Variants in NKTR observed in about 807,000 individuals in gnomAD.
NKTR encodes natural killer cell triggering receptor.
A neutral mutation model predicts 156.3 loss-of-function variants in NKTR; 67 were observed. The observed-to-expected ratio is 0.43, with a 90% CI of 0.35 to 0.53. NKTR has a LOEUF of 0.53. NKTR is among the 20% of genes least tolerant of loss of function. NKTR has a pLI of 0.01. For synonymous variants in NKTR, 640 were observed against 596.6 expected (o/e 1.07, Z -1.06); for missense variants, 1,604 against 1,730.9 (o/e 0.93, Z 1.30).
rs1707720798 is a variant in NKTR, at chr3:42,619,606, TTC to T, written c.242-56_242-55del. 2.5e-5 allele frequency: 40 copies of T among 1,597,516 alleles called. No homozygotes were observed. In the South Asian group the frequency reaches 4.3e-4, roughly 17 times the overall value. ...GCGAATTGAAGCTATCAAAAATGAT[TTC>T]TGTGTTAGTATATTTTTAATGTTCA... On this transcript the variant is annotated intron_variant, in intron 4 of 16. Coordinates refer to ENST00000232978, the MANE Select transcript of NKTR (RefSeq NM_005385.4).
In NKTR at chr3:42,639,560, C is replaced by T. The variant is rs149324513; in HGVS notation, c.3856C>T (p.Arg1286Cys). 1.2e-5 allele frequency: 20 copies of T among 1,614,140 alleles called. No individual in the cohort carries two copies. Among genetic ancestry groups the T allele is most frequent in the Non-Finnish European group, 1.6e-5 (19 of 1,180,024 alleles). ...CTTTGATGAAGTAAGAAAGACAGCACGCTTAAACCGTAGACCAAGAAATCA... is the reference window on the plus strand; with the variant it reads ...CTTTGATGAAGTAAGAAAGACAGCATGCTTAAACCGTAGACCAAGAAATCA... ...SLFDEVRKTA[R>C]LNRRPRNQES... Residue 1286 changes from arginine (R) to cysteine (C), a missense_variant, in exon 13 of 17, where the codon CGC (arginine) becomes TGC (cysteine). Physicochemically the swap from Arg to Cys is radical, Grantham distance 180. Transcript: ENST00000232978.
At chr3:42,630,659 GGGAGCGCTCTTGATGTCT>G in intron 7 of NKTR, 84 bp downstream of exon 7, 1 of 1,594,766 alleles carries the variant, frequency 6.3e-7, no homozygotes, top group Non-Finnish European at 8.6e-7. Flanking sequence ...GAGCCCTCAA[GGGAGCGCTCTTGATGTCT>G]GGCTTAATCT....
At chr3:42,627,849 G>C in intron 6 of NKTR, 1 of 985,106 alleles carries the variant, frequency 1.0e-6, no homozygotes, top group Non-Finnish European at 1.2e-6. Flanking sequence ...CCATTGCACA[G>C]CTCTTTAAAC....
intron 9 of NKTR, 29 bp downstream of exon 9, chr3:42,632,852 C>G (rs559955226): frequency 6.7e-7 from 1 of 1,487,300 alleles, no homozygotes; most frequent in Non-Finnish European, 8.9e-7. Flanking sequence ...TGTACTCTTA[C>G]CTAAAAACAA....
intron 6 of NKTR, chr3:42,627,202 A>C (rs531936063): frequency 1.0e-6 from 1 of 984,160 alleles, no homozygotes; most frequent in South Asian, 4.7e-5. Context: ...ATTTACAGAA[A>C]GAGTGTTACA....
chr3:42,603,584 A>G (rs1326967356), intron 2 of NKTR, among the ~76,000 whole-genome samples: 1 of 151,576 alleles, frequency 6.6e-6, no homozygotes, highest in Non-Finnish European at 1.5e-5. Flanking sequence ...AGCACTCTTG[A>G]GAACGCCGAA....
At chr3:42,606,368 A>G (rs1415043064) in intron 2 of NKTR, among the ~76,000 whole-genome samples, 3 of 152,186 alleles carry the variant, frequency 2.0e-5, no homozygotes, top group Admixed American at 6.5e-5. Context: ...TTAAGTATAT[A>G]TAGCACAGTA....
chr3:42,619,098 TTA>T lies in NKTR; in HGVS notation c.214_215del (p.Met72AspfsTer8). On this transcript the variant is annotated frameshift_variant, in exon 4 of 17. Transcript: ENST00000232978. LOFTEE classifies it high-confidence loss of function. The stretch of plus-strand genomic sequence containing the variant: ...ACGTTCCATCGTGTGGTTAAAAACT[TTA>T]TGATTCAGGGTGGGGACTTCAGTGA... 6.2e-7 allele frequency: 1 copy of T among 1,610,694 alleles called. No homozygotes were observed. Among genetic ancestry groups the T allele is most frequent in the African/African-American group, 1.3e-5 (1 of 74,836 alleles).
chr3:42,641,932 A>G (rs1348283108), intron 13 of NKTR, among the ~76,000 whole-genome samples: 1 of 151,336 alleles, frequency 6.6e-6, no homozygotes, highest in Non-Finnish European at 1.5e-5. Context: ...GTGCATGCCT[A>G]TGTCCCAAAG....
intron 2 of NKTR, among the ~76,000 whole-genome samples, chr3:42,606,173 C>T (rs1334601049): frequency 6.6e-6 from 1 of 151,968 alleles, no homozygotes. Context: ...TTTATAACGT[C>T]CTCTTATAGC....
At position 42,637,879 on chromosome 3, in the gene NKTR, A is replaced by C. The variant is rs749177560; in HGVS notation, c.2175A>C (p.Arg725Ser). The C allele has an allele frequency of 7.4e-6, 12 of 1,614,056 alleles. No individual in the cohort carries two copies. Among genetic ancestry groups the C allele is most frequent in the Non-Finnish European group, 1.0e-5 (12 of 1,179,972 alleles). ...CAAGGTCTAGGTCTCCATCATCTAG[A>C]TCTCATTCACGAAATAAATACAGTG... ...SHSRSRSPSS[R>S]SHSRNKYSDH... Residue 725 changes from arginine (R) to serine (S), a missense_variant, in exon 13 of 17, where the codon AGA becomes AGC. Transcript: ENST00000232978.
intron 10 of NKTR, 45 bp downstream of exon 10, chr3:42,633,780 A>C: frequency 6.2e-7 from 1 of 1,609,204 alleles, no homozygotes. Context: ...CTCCGATAAC[A>C]CTGTTCCGTC....
At position 42,612,460 on chromosome 3, in the gene NKTR, A is replaced by G. The variant is rs1055473139; in HGVS notation, c.59-5110A>G. 4.6e-5 allele frequency: 7 copies of G among 152,300 alleles called. No homozygotes were observed. The East Asian group carries it at 1.2e-3, about 25-fold the overall frequency. 9.4% of individuals were successfully genotyped at this position (152,300 alleles called of 1,614,324 possible). A position where few individuals can be genotyped will look rare whatever the true frequency, so the allele number is the denominator to read the frequency against. On this transcript the variant is annotated intron_variant, in intron 2 of 16. Coordinates refer to ENST00000232978, the MANE Select transcript of NKTR (RefSeq NM_005385.4). ...CCTAATACTGATAACATTTAAAACC[A>G]TAATTAACACTGTTTGCATTGTCAT...
chr3:42,639,116 T>A lies in NKTR; in HGVS notation c.3412T>A (p.Ser1138Thr). 1 of 1,614,100 alleles carries A rather than the reference T, an allele frequency of 6.2e-7. No individual in the cohort carries two copies. Among genetic ancestry groups the A allele is most frequent in the Non-Finnish European group, 8.5e-7 (1 of 1,179,990 alleles). ...NMEICTPDRS[S>T]PAKVEETSPL... ...GGAGATCTGCACTCCTGATAGGAGT[T>A]CCCCAGCAAAAGTAGAGGAGACTTC... The change falls in exon 13 of 17, where the codon TCC becomes ACC. Residue 1138 changes from serine (S) to threonine (T), a missense_variant. Ser to Thr is a moderately conservative substitution (Grantham distance 58). This residue lies in a region of NKTR where 1,255 missense variants were observed against 1,243.7 expected (regional missense o/e 1.01). Coordinates refer to ENST00000232978, the MANE Select transcript of NKTR (RefSeq NM_005385.4).
At chr3:42,604,659 CTTTTTTTTTTTTTTTTTTTTTTTT>C (rs71072726) in intron 2 of NKTR, among the ~76,000 whole-genome samples, 8 of 45,294 alleles carry the variant, frequency 1.8e-4, no homozygotes, top group East Asian at 4.8e-4. Flanking sequence ...TATTTCTCTC[CTTTTTTTTTTTTTTTTTTTTTTTT>C]TTTTTTTTTT....
At chr3:42,640,966 C>T (rs990125801) in intron 13 of NKTR, among the ~76,000 whole-genome samples, 3 of 152,188 alleles carry the variant, frequency 2.0e-5, no homozygotes, top group Admixed American at 6.5e-5. Context: ...CTGAGCTATT[C>T]GTGATGCTGG....
intron 6 of NKTR, chr3:42,628,150 T>A: frequency 2.0e-6 from 2 of 984,918 alleles, no homozygotes; most frequent in Non-Finnish European, 1.2e-6. Flanking sequence ...TAATATGTAA[T>A]CTAATCCAAT....
rs1709520221 is a variant in NKTR, at chr3:42,637,348, A to T, written c.1644A>T (p.Arg548Ser). The T allele has an allele frequency of 8.7e-6, 14 of 1,614,084 alleles. No homozygotes were observed. The highest frequency in any genetic ancestry group is 1.2e-5 in the Non-Finnish European group (14 of 1,180,034). Residue 548 changes from arginine (R) to serine (S), a missense_variant, in exon 13 of 17, where the codon AGA becomes AGT. Arg to Ser is a moderately radical substitution (Grantham distance 110). Transcript: ENST00000232978. ...AGTCCTCATCACATTCTCGAAGTAG[A>T]TCAAAGTCCAGATCTAGTTCCAAGT... is the stretch of plus-strand genomic sequence containing the variant. ...ASKSSSHSRSRSKSRSSSKSG... is the reference protein window; with the variant it reads ...ASKSSSHSRSSSKSRSSSKSG...
intron 13 of NKTR, among the ~76,000 whole-genome samples, chr3:42,640,283 T>C (rs1252374280): frequency 6.6e-6 from 1 of 152,248 alleles, no homozygotes; most frequent in Non-Finnish European, 1.5e-5. Context: ...CTTTTTCTCA[T>C]CTTTGTCACT....
Sources: gnomAD v4.1 joint callset for allele counts (sites outside exome capture counted in the v4.1 genomes callset) on GRCh38, gnomAD v4.1.1 for gene constraint, gnomAD v4.1.1 regional missense constraint, MANE v1.5 for transcripts, NCBI Gene and HGNC (gene_info 2026-07-23, HGNC 2026-07-21) for gene names.